TTYH3: variants seen among roughly 807,000 people sequenced by gnomAD.
The protein encoded by TTYH3 is tweety family member 3.
TTYH3 carries 23 observed loss-of-function variants against 68.2 expected under a neutral mutation model. The ratio of observed to expected loss-of-function variants is 0.34; its 90% CI spans 0.24 to 0.48. The LOEUF is 0.48. Among genes scored for constraint, TTYH3 ranks in the 20% least tolerant of loss-of-function variants. The pLI is 0.99. For synonymous variants in TTYH3, 360 were observed against 332.8 expected (o/e 1.08, Z -0.89); for missense variants, 768 against 727.7 (o/e 1.06, Z -0.64).
chr7:2,657,841 C>T (rs866064504), intron 11 of TTYH3, among the ~76,000 whole-genome samples: 9 of 152,206 alleles, frequency 5.9e-5, no homozygotes, highest in African/African-American at 1.7e-4. Flanking sequence ...GCCAGAGGCT[C>T]GCGCAGAGTG....
intron 1 of TTYH3, among the ~76,000 whole-genome samples, chr7:2,640,241 T>C (rs1003163684): frequency 1.3e-5 from 2 of 152,196 alleles, no homozygotes. Flanking sequence ...TCAGAGTCCC[T>C]GTGAGCACCC....
intron 1 of TTYH3, among the ~76,000 whole-genome samples, chr7:2,633,196 C>A (rs1785567691): frequency 6.6e-6 from 1 of 152,178 alleles, no homozygotes; most frequent in Admixed American, 6.5e-5. Context: ...GCCCCGTGAC[C>A]AGGGTCCCTG....
At chr7:2,636,867 C>A (rs1785690485) in intron 1 of TTYH3, among the ~76,000 whole-genome samples, 1 of 152,112 alleles carries the variant, frequency 6.6e-6, no homozygotes, top group Admixed American at 6.5e-5. Context: ...TATATCTGGG[C>A]TCCTGGTTTT....
intron 9 of TTYH3, among the ~76,000 whole-genome samples, chr7:2,653,973 C>T (rs1025902069): frequency 5.3e-5 from 8 of 152,236 alleles, no homozygotes; most frequent in South Asian, 4.1e-4. Context: ...CCACACACAC[C>T]GCCCCAGGAC....
At chr7:2,643,205 A>T (rs888349710) in intron 1 of TTYH3, among the ~76,000 whole-genome samples, 22 of 146,092 alleles carry the variant, frequency 1.5e-4, no homozygotes, top group Admixed American at 7.6e-4. Flanking sequence ...AATACAAAAA[A>T]TTAGCCAGGC....
In TTYH3 at chr7:2,640,778, C is replaced by G. The variant is rs528332478; in HGVS notation, c.124-6075C>G. On this transcript the variant is annotated intron_variant, in intron 1 of 13. Coordinates refer to ENST00000258796, the MANE Select transcript of TTYH3 (RefSeq NM_025250.3). ...CCTCACAGCTGCTCGTGCACGTCGT[C>G]TGCTCAAGTGCCCCGTGGGCCGTCC... Among the ~76,000 whole-genome samples, 29 of 99,674 alleles carry G rather than the reference C, an allele frequency of 2.9e-4. No individual in the cohort carries two copies. The East Asian group carries it at 8.8e-3, about 30-fold the overall frequency. The allele number at this position is 99,674 out of a possible 152,430, so 65.4% of individuals were successfully genotyped here. A position where few individuals can be genotyped will look rare whatever the true frequency, so the allele number is the denominator to read the frequency against.
chr7:2,643,666 G>A (rs1015783067), intron 1 of TTYH3, among the ~76,000 whole-genome samples: 3 of 152,208 alleles, frequency 2.0e-5, no homozygotes, highest in Admixed American at 6.5e-5. Flanking sequence ...GGCTTATCTC[G>A]CTCTGCCTCC....
chr7:2,649,389 C>G (rs971721331), intron 5 of TTYH3, among the ~76,000 whole-genome samples, 178 bp from the exon 6 acceptor site: 7 of 152,280 alleles, frequency 4.6e-5, no homozygotes, highest in Admixed American at 4.6e-4. Flanking sequence ...GGAGAGGGAT[C>G]CATCTGGGCC....
rs532257456 is a variant in TTYH3 at position 2,645,627 on chromosome 7, G to A, written c.124-1226G>A. ...CCGATGGGGCGCCTGTATGCAGCCT[G>A]TAGCAGTGTGGGGCCAGCCCCACCA... On this transcript the variant is annotated intron_variant, in intron 1 of 13. Transcript: ENST00000258796. The surrounding 1 kb of genome is among the most constrained non-coding windows in gnomAD (Gnocchi z 4.8). The A allele has an allele frequency of 5.2e-6, 2 of 381,960 alleles. No homozygotes were observed. Among genetic ancestry groups the A allele is most frequent in the Admixed American group, 6.9e-5 (2 of 28,834 alleles). 23.7% of individuals were successfully genotyped at this position (381,960 alleles called of 1,614,324 possible). A position where few individuals can be genotyped will look rare whatever the true frequency, so the allele number is the denominator to read the frequency against.
chr7:2,648,549 G>C (rs939397420), intron 5 of TTYH3: 1 of 155,114 alleles, frequency 6.4e-6, no homozygotes, highest in Non-Finnish European at 1.4e-5. Context: ...GTAAGGTGTT[G>C]TCACTGCCCT....
At position 2,649,628 on chromosome 7, in the gene TTYH3, G is replaced by A; in HGVS notation, c.784G>A (p.Ala262Thr). The change falls in exon 6 of 14, where the codon GCT becomes ACT. Residue 262 changes from alanine to threonine, a missense_variant. Transcript: ENST00000258796. ...CTGGGGCGCGCTGGGCTTGGAGCTGGCTGTGTCCGTGGTGAGTGGCAGAGG... is the reference window on the plus strand; with the variant it reads ...CTGGGGCGCGCTGGGCTTGGAGCTGACTGTGTCCGTGGTGAGTGGCAGAGG... The part of the protein sequence containing the change: ...ISWGALGLEL[A>T]VSVGSSDFCV... The A allele has an allele frequency of 1.3e-6, 2 of 1,599,264 alleles. No individual in the cohort carries two copies. Among genetic ancestry groups the A allele is most frequent in the African/African-American group, 1.3e-5 (1 of 74,948 alleles).
intron 1 of TTYH3, among the ~76,000 whole-genome samples, chr7:2,632,664 C>T (rs1785552965): frequency 6.6e-6 from 1 of 152,236 alleles, no homozygotes; most frequent in African/African-American, 2.4e-5. Context: ...TGTTGGCGGC[C>T]TGGTGCTGTG....
At position 2,664,557 on chromosome 7, in the gene TTYH3, G is replaced by A. The variant is rs905925750; in HGVS notation, c.*2818G>A. On this transcript the variant is annotated 3_prime_UTR_variant, in exon 14 of 14. Transcript: ENST00000258796. ...GGCATCTGACCTCCCCCACCCCAGT[G>A]TGATTTAACATCCAGGAACTGAGGC... 6.6e-6 allele frequency: 1 copy of A among 151,830 alleles called. No individual in the cohort carries two copies. The highest frequency in any genetic ancestry group is 2.4e-5 in the African/African-American group (1 of 41,180). 9.4% of individuals were successfully genotyped at this position (151,830 alleles called of 1,614,324 possible).
intron 9 of TTYH3, among the ~76,000 whole-genome samples, chr7:2,654,368 C>T (rs1162539356): frequency 6.6e-6 from 1 of 152,156 alleles, no homozygotes. Context: ...TCACCCCAGC[C>T]TGGGCAACAG....
rs1046799297 is a variant in TTYH3 at position 2,631,989 on chromosome 7, G to GAGCCGAGCGC, written c.-158_-149dup. On this transcript the variant is annotated 5_prime_UTR_variant, in exon 1 of 14. Transcript: ENST00000258796. Reference sequence around the variant, plus strand: ...GGCGGCGGGCGCGGGCGGCCGAGCGGAGCCGAGCGCAGCCGAGCCGGGCCG... The same window carrying GAGCCGAGCGC: ...GGCGGCGGGCGCGGGCGGCCGAGCGGAGCCGAGCGCAGCCGAGCGCAGCCGAGCCGGGCCG... The GAGCCGAGCGC allele has an allele frequency of 1.9e-5, 8 of 416,826 alleles. No homozygotes were observed. The highest frequency in any genetic ancestry group is 1.8e-4 in the African/African-American group (8 of 45,692). The allele number at this position is 416,826 out of a possible 1,614,324, so 25.8% of individuals were successfully genotyped here.
At chr7:2,658,497 T>A (rs1786402070) in intron 12 of TTYH3, 38 bp downstream of exon 12, 1 of 1,577,908 alleles carries the variant, frequency 6.3e-7, no homozygotes, top group African/African-American at 1.3e-5. Flanking sequence ...AGCGGACACG[T>A]CAGCTGCGGC....
chr7:2,656,567 C>T lies in TTYH3; in HGVS notation c.1250+33C>T. On this transcript the variant is annotated intron_variant, in intron 11 of 13. Coordinates refer to ENST00000258796, the MANE Select transcript of TTYH3 (RefSeq NM_025250.3). Reference sequence around the variant, plus strand: ...GCCCTGGGGGGTCGCAGGAGCTTGCCCCAGGCCACATGGCATGCGGGACAC... The same window carrying T: ...GCCCTGGGGGGTCGCAGGAGCTTGCTCCAGGCCACATGGCATGCGGGACAC... 3 of 1,588,008 alleles carry T rather than the reference C, an allele frequency of 1.9e-6. No homozygotes were observed. The South Asian group carries it at 3.4e-5, about 18-fold the overall frequency.
In TTYH3 at chr7:2,647,239, G is replaced by C. The variant is rs1034255453; in HGVS notation, c.391G>C (p.Gly131Arg). ...SLRHANRTVA[G>R]VQDRVWDTAV... ...CCGCCACGCCAACCGCACGGTGGCC[G>C]GGGTCCAGGACCGCGTGAGTGGCCG... The change falls in exon 3 of 14, where the codon GGG (glycine) becomes CGG (arginine). Residue 131 changes from glycine (G) to arginine (R), a missense_variant. Gly to Arg is a moderately radical substitution (Grantham distance 125, BLOSUM62 -2). Transcript: ENST00000258796. 7.5e-6 allele frequency: 12 copies of C among 1,592,042 alleles called. No homozygotes were observed. The highest frequency in any genetic ancestry group is 1.3e-5 in the African/African-American group (1 of 74,766).
chr7:2,637,340 G>A lies in TTYH3; in HGVS notation c.123+5062G>A, dbSNP rs933664785. On this transcript the variant is annotated intron_variant, in intron 1 of 13. Transcript: ENST00000258796. The stretch of plus-strand genomic sequence containing the variant: ...TCCCCAGGCCACGGCGGCTCTCCCC[G>A]GATGCTTGTGCTGCTCGTTTCTAAA... Among the ~76,000 whole-genome samples, 7 of 152,286 alleles carry A rather than the reference G, an allele frequency of 4.6e-5. No homozygotes were observed. In the South Asian group the frequency reaches 8.3e-4, roughly 18 times the overall value.
Sources: gnomAD v4.1 joint callset for allele counts (sites outside exome capture counted in the v4.1 genomes callset) on GRCh38, gnomAD v4.1.1 for gene constraint, Gnocchi (gnomAD v3.1) non-coding constraint, MANE v1.5 for transcripts, NCBI Gene and HGNC (gene_info 2026-07-23, HGNC 2026-07-21) for gene names.